CDH13: variants seen among roughly 807,000 people sequenced by gnomAD.
The protein encoded by CDH13 is cadherin 13, also known as cadherin-13.
A neutral mutation model predicts 63.8 loss-of-function variants in CDH13; 24 were observed. The observed-to-expected ratio is 0.38, with a 90% CI of 0.27 to 0.53. The LOEUF is 0.53. CDH13 is among the 20% of genes least tolerant of loss of function. CDH13 has a pLI of 0.85. For missense variants in CDH13, 1,049 were observed against 903.1 expected (o/e 1.16, Z -2.07); for synonymous variants, 503 against 355.3 (o/e 1.42, Z -4.67).
rs182649349 is a variant in CDH13, at chr16:82,889,668, G to A, written c.157+31195G>A. 3.4e-3 allele frequency among the ~76,000 whole-genome samples: 513 copies of A among 152,296 alleles called. 1 individual carries two copies. Among genetic ancestry groups the A allele is most frequent in the Non-Finnish European group, 5.1e-3 (347 of 68,024 alleles). On this transcript the variant is annotated intron_variant, in intron 2 of 13. Coordinates refer to ENST00000567109, the MANE Select transcript of CDH13 (RefSeq NM_001257.5). ...ATTAACACCTGACAGATATTTCTATGATGCGTTCTGACAGGGTTACACATG... is the reference window on the plus strand; with the variant it reads ...ATTAACACCTGACAGATATTTCTATAATGCGTTCTGACAGGGTTACACATG...
rs187917232 is a variant in CDH13, at chr16:83,114,284, G to T, written c.367-11101G>T. 3.9e-5 allele frequency among the ~76,000 whole-genome samples: 6 copies of T among 152,278 alleles called. No homozygotes were observed. In the East Asian group the frequency reaches 9.7e-4, roughly 25 times the overall value. ...ATGTGTGACTTTCATTACTGGAGAT[G>T]TTGTTTCTGATGTTGCTGGCGGTCC... On this transcript the variant is annotated intron_variant, in intron 3 of 13. Coordinates refer to ENST00000567109, the MANE Select transcript of CDH13 (RefSeq NM_001257.5).
intron 9 of CDH13, among the ~76,000 whole-genome samples, chr16:83,674,508 C>G (rs1475793686): frequency 6.6e-6 from 1 of 152,250 alleles, no homozygotes; most frequent in East Asian, 1.9e-4. Flanking sequence ...GACATACGTT[C>G]TTCCTTAACT....
intron 6 of CDH13, among the ~76,000 whole-genome samples, chr16:83,385,200 T>G (rs1259726243): frequency 1.3e-5 from 2 of 152,168 alleles, no homozygotes; most frequent in Non-Finnish European, 2.9e-5. Context: ...CAGCTGGAGG[T>G]AGTAGTCAAT....
chr16:83,681,219 G>A (rs937048509), intron 10 of CDH13, among the ~76,000 whole-genome samples: 33 of 152,130 alleles, frequency 2.2e-4, no homozygotes, highest in Non-Finnish European at 2.9e-5. Flanking sequence ...CCCAGAGGAT[G>A]GGAACAAATG....
At chr16:82,928,181 T>TGTGC (rs1188582551) in intron 2 of CDH13, among the ~76,000 whole-genome samples, 1 of 151,874 alleles carries the variant, frequency 6.6e-6, no homozygotes, top group East Asian at 1.9e-4. Flanking sequence ...TGTGTGTGTG[T>TGTGC]GTGTGTGTAT....
chr16:83,503,161 G>A (rs1315779924), intron 7 of CDH13, among the ~76,000 whole-genome samples: 1 of 152,190 alleles, frequency 6.6e-6, no homozygotes, highest in East Asian at 1.9e-4. Flanking sequence ...TATAAAGTGA[G>A]GCCTTGAATC....
chr16:83,061,719 G>A (rs369732298), intron 3 of CDH13, among the ~76,000 whole-genome samples: 7 of 152,130 alleles, frequency 4.6e-5, no homozygotes, highest in Non-Finnish European at 5.9e-5. Flanking sequence ...AAAGTATAGT[G>A]ATAAATATAT....
At chr16:82,890,393 G>A (rs987193583) in intron 2 of CDH13, among the ~76,000 whole-genome samples, 2 of 152,144 alleles carry the variant, frequency 1.3e-5, no homozygotes, top group Admixed American at 6.5e-5. Flanking sequence ...CTTCTTGGAA[G>A]GCCCCAGACT....
chr16:82,926,985 G>A (rs1444955187), intron 2 of CDH13, among the ~76,000 whole-genome samples: 1 of 151,600 alleles, frequency 6.6e-6, no homozygotes, highest in African/African-American at 2.4e-5. Flanking sequence ...ATTCATCTCT[G>A]TTTTTCACGG....
intron 5 of CDH13, among the ~76,000 whole-genome samples, chr16:83,341,567 A>G (rs1205745605): frequency 1.3e-5 from 2 of 152,178 alleles, no homozygotes; most frequent in Non-Finnish European, 2.9e-5. Flanking sequence ...TTCCTATTAT[A>G]TATTTTATTC....
chr16:83,106,124 C>G (rs1368828015), intron 3 of CDH13, among the ~76,000 whole-genome samples: 1 of 152,218 alleles, frequency 6.6e-6, no homozygotes, highest in Non-Finnish European at 1.5e-5. Flanking sequence ...AGTAACACCT[C>G]TTTTGCTAAT....
intron 3 of CDH13, among the ~76,000 whole-genome samples, chr16:83,052,801 A>G (rs9788906): frequency 0.59 from 72,102 of 122,120 alleles, 23,083 homozygotes; most frequent in East Asian, 0.86. Context: ...AAAAAAAAAA[A>G]AAAGAAAGAA....
At chr16:83,538,878 AAT>A (rs1193516538) in intron 7 of CDH13, among the ~76,000 whole-genome samples, 1 of 152,340 alleles carries the variant, frequency 6.6e-6, no homozygotes, top group East Asian at 1.9e-4. Context: ...TTTGTAAAAA[AAT>A]ATATGTTAGA....
chr16:83,683,990 C>T (rs1157851443), intron 10 of CDH13, among the ~76,000 whole-genome samples: 1 of 152,200 alleles, frequency 6.6e-6, no homozygotes, highest in African/African-American at 2.4e-5. Context: ...GCAACCGTTC[C>T]TCCAGGTGCA....
At chr16:82,943,750 G>T (rs1010841124) in intron 2 of CDH13, among the ~76,000 whole-genome samples, 1 of 152,232 alleles carries the variant, frequency 6.6e-6, no homozygotes, top group Admixed American at 6.5e-5. Context: ...TTGGACTGCT[G>T]CAATCAATTA....
chr16:83,600,183 G>A (rs1016216388), intron 7 of CDH13, among the ~76,000 whole-genome samples: 6 of 152,162 alleles, frequency 3.9e-5, no homozygotes, highest in Non-Finnish European at 5.9e-5. Flanking sequence ...GCAGACCAGC[G>A]CCGGCTGACC....
chr16:82,700,951 ACCCGCCCCCCCCCCCCCCCC>A (rs1229653719), intron 1 of CDH13, among the ~76,000 whole-genome samples: 415 of 13,836 alleles, frequency 0.03, 100 homozygotes, highest in African/African-American at 0.053. Flanking sequence ...AAGTGCTGGA[ACCCGCCCCCCCCCCCCCCCC>A]CCCGCCCCGG....
chr16:83,051,137 A>T (rs1262929684), intron 3 of CDH13, among the ~76,000 whole-genome samples: 2 of 152,198 alleles, frequency 1.3e-5, no homozygotes, highest in Admixed American at 6.5e-5. Context: ...CTGTGATCAT[A>T]TCATGCCCTC....
In CDH13 at chr16:83,080,872, T is replaced by G. The variant is rs866877439; in HGVS notation, c.367-44513T>G. Among the ~76,000 whole-genome samples, 124 of 19,694 alleles carry G rather than the reference T, an allele frequency of 6.3e-3. 1 individual carries two copies. Among genetic ancestry groups the G allele is most frequent in the South Asian group, 0.05 (29 of 584 alleles). The allele number at this position is 19,694 out of a possible 152,430, so 12.9% of individuals were successfully genotyped here. ...GATAGAGTTTTGTTTTGTTTTTGTG[T>G]TTTTTTTTTTTTTTTTTTTTTTTTT... On this transcript the variant is annotated intron_variant, in intron 3 of 13. Coordinates refer to ENST00000567109, the MANE Select transcript of CDH13 (RefSeq NM_001257.5).
Sources: gnomAD v4.1 joint callset for allele counts (sites outside exome capture counted in the v4.1 genomes callset) on GRCh38, gnomAD v4.1.1 for gene constraint, MANE v1.5 for transcripts, NCBI Gene and HGNC (gene_info 2026-07-23, HGNC 2026-07-21) for gene names.